The following B3GAT2 variants were observed in gnomAD, a reference collection of about 807,000 sequenced individuals.
B3GAT2 encodes galactosylgalactosylxylosylprotein 3-beta-glucuronosyltransferase 2.
A neutral mutation model predicts 27.8 loss-of-function variants in B3GAT2; 26 were observed. The observed-to-expected ratio is 0.93, with a 90% CI of 0.68 to 1.30. The LOEUF (loss-of-function observed/expected upper bound fraction) is 1.30, where lower values mean the gene tolerates loss of function less well. B3GAT2 is among the 50% of genes most tolerant of loss of function. B3GAT2 has a pLI of 0.00. For synonymous variants in B3GAT2, 218 were observed against 195.1 expected (o/e 1.12, Z -0.98); for missense variants, 458 against 459.0 (o/e 1.00, Z 0.02).
rs1771530563 is a variant in B3GAT2 at position 70,858,304 on chromosome 6, T to G, written c.*3359A>C. 9 of 1,323,834 alleles carry G rather than the reference T, an allele frequency of 6.8e-6. No individual in the cohort carries two copies. Among genetic ancestry groups the G allele is most frequent in the Non-Finnish European group, 9.0e-6 (9 of 1,002,844 alleles). The allele number at this position is 1,323,834 out of a possible 1,614,324, so 82.0% of individuals were successfully genotyped here. On this transcript the variant is annotated 3_prime_UTR_variant, in exon 4 of 4. Transcript: ENST00000230053. ...TTCTAAATCTTTTTTTTTTTTTTTT[T>G]TTTTTTTTTTTAAGTCTAGTGATCT...
intron 1 of B3GAT2, among the ~76,000 whole-genome samples, chr6:70,914,537 AT>A (rs553228424): frequency 6.6e-6 from 1 of 151,572 alleles, no homozygotes; most frequent in Non-Finnish European, 1.5e-5. Flanking sequence ...TATTATTATT[AT>A]TTTTTTTAAC....
rs1765342924 is a variant in B3GAT2, at chr6:70,939,013, T to A, written c.591+16826A>T. On this transcript the variant is annotated intron_variant, in intron 1 of 3. Transcript: ENST00000230053. ...GCAACCTACTCATCTGACAAAGGGC[T>A]AATATCCAGAATCTACAATGAACTC... Among the ~76,000 whole-genome samples, 4 of 152,108 alleles carry A rather than the reference T, an allele frequency of 2.6e-5. No individual in the cohort carries two copies. In the South Asian group the frequency reaches 8.3e-4, roughly 32 times the overall value.
At chr6:70,940,047 A>T (rs2150049078) in intron 1 of B3GAT2, among the ~76,000 whole-genome samples, 1 of 152,192 alleles carries the variant, frequency 6.6e-6, no homozygotes, top group African/African-American at 2.4e-5. Context: ...TTCTTGCCAG[A>T]AACTGAAATG....
chr6:70,904,615 A>G (rs895044166), intron 1 of B3GAT2, among the ~76,000 whole-genome samples: 5 of 152,170 alleles, frequency 3.3e-5, no homozygotes, highest in Non-Finnish European at 5.9e-5. Context: ...CTCAAAGCTA[A>G]ACAAGGACAA....
chr6:70,858,321 T>A lies in B3GAT2; in HGVS notation c.*3342A>T. ...TTTTTTTTTTTTTTTTTTTTAAGTC[T>A]AGTGATCTGGCAGAAAGAATTCAAT... On this transcript the variant is annotated 3_prime_UTR_variant, in exon 4 of 4. Transcript: ENST00000230053. 1 of 1,130,462 alleles carries A rather than the reference T, an allele frequency of 8.8e-7. No homozygotes were observed. The highest frequency in any genetic ancestry group is 1.2e-6 in the Non-Finnish European group (1 of 837,812). The allele number at this position is 1,130,462 out of a possible 1,614,324, so 70.0% of individuals were successfully genotyped here. A position where few individuals can be genotyped will look rare whatever the true frequency, so the allele number is the denominator to read the frequency against.
rs1421253348 is a variant in B3GAT2, at chr6:70,859,075, T to C, written c.*2588A>G. ...GCAATCTTGGTTTCTGTTTGGTCACTTGTTTTACCTTTAGAGCATTCAGGG... is the reference window on the plus strand; with the variant it reads ...GCAATCTTGGTTTCTGTTTGGTCACCTGTTTTACCTTTAGAGCATTCAGGG... On this transcript the variant is annotated 3_prime_UTR_variant, in exon 4 of 4. Coordinates refer to ENST00000230053, the MANE Select transcript of B3GAT2 (RefSeq NM_080742.3). 1 of 280,430 alleles carries C rather than the reference T, an allele frequency of 3.6e-6. No individual in the cohort carries two copies. The highest frequency in any genetic ancestry group is 6.7e-6 in the Non-Finnish European group (1 of 150,166). 17.4% of individuals were successfully genotyped at this position (280,430 alleles called of 1,614,324 possible). A position where few individuals can be genotyped will look rare whatever the true frequency, so the allele number is the denominator to read the frequency against.
intron 2 of B3GAT2, among the ~76,000 whole-genome samples, chr6:70,884,912 A>AT (rs1383367425): frequency 6.6e-6 from 1 of 152,212 alleles, no homozygotes; most frequent in Non-Finnish European, 1.5e-5. Flanking sequence ...CCCAGGAAGA[A>AT]TGCCTGCAAG....
intron 2 of B3GAT2, among the ~76,000 whole-genome samples, chr6:70,883,408 T>A (rs1056442423): frequency 6.6e-6 from 1 of 151,136 alleles, no homozygotes; most frequent in Admixed American, 6.6e-5. Flanking sequence ...GGAATGAAAT[T>A]CTGATACATA....
intron 1 of B3GAT2, among the ~76,000 whole-genome samples, chr6:70,905,072 A>G (rs946539221): frequency 2.0e-5 from 3 of 152,238 alleles, no homozygotes; most frequent in African/African-American, 7.2e-5. Context: ...CTAAACTGCC[A>G]AATGCAATTT....
At position 70,902,412 on chromosome 6, in the gene B3GAT2, A is replaced by G. The variant is rs116774065; in HGVS notation, c.592-8140T>C. Among the ~76,000 whole-genome samples, 691 of 152,246 alleles carry G rather than the reference A, an allele frequency of 4.5e-3. 7 individuals carry two copies. Among genetic ancestry groups the G allele is most frequent in the African/African-American group, 0.014 (595 of 41,548 alleles). ...AAATGTAAATTGGCATAGCCATTGTAGAGAACAGTATGGAGGCTCTTCAAA... is the reference window on the plus strand; with the variant it reads ...AAATGTAAATTGGCATAGCCATTGTGGAGAACAGTATGGAGGCTCTTCAAA... On this transcript the variant is annotated intron_variant, in intron 1 of 3. Coordinates refer to ENST00000230053, the MANE Select transcript of B3GAT2 (RefSeq NM_080742.3).
intron 1 of B3GAT2, among the ~76,000 whole-genome samples, chr6:70,901,519 C>T (rs564049773): frequency 2.6e-5 from 4 of 152,230 alleles, no homozygotes; most frequent in Non-Finnish European, 5.9e-5. Context: ...CCAATTGAAA[C>T]AGCTCCTAGT....
chr6:70,872,748 G>A (rs1771957917), intron 2 of B3GAT2, among the ~76,000 whole-genome samples: 1 of 151,664 alleles, frequency 6.6e-6, no homozygotes, highest in Admixed American at 6.6e-5. Flanking sequence ...CATGTCTAAT[G>A]TTATTTTATT....
At chr6:70,891,648 T>C (rs1272044317) in intron 2 of B3GAT2, among the ~76,000 whole-genome samples, 1 of 152,156 alleles carries the variant, frequency 6.6e-6, no homozygotes, top group Non-Finnish European at 1.5e-5. Context: ...TTTGGGCTCT[T>C]AATCCGCTTT....
chr6:70,926,867 A>G (rs1263194810), intron 1 of B3GAT2, among the ~76,000 whole-genome samples: 1 of 152,202 alleles, frequency 6.6e-6, no homozygotes, highest in Non-Finnish European at 1.5e-5. Flanking sequence ...CCCAAGACAC[A>G]TAATTGTCAG....
At chr6:70,878,508 T>G (rs576545800) in intron 2 of B3GAT2, among the ~76,000 whole-genome samples, 3 of 152,240 alleles carry the variant, frequency 2.0e-5, no homozygotes, top group Non-Finnish European at 4.4e-5. Context: ...TAGGATACTA[T>G]AGTTTATCTC....
intron 1 of B3GAT2, among the ~76,000 whole-genome samples, chr6:70,903,107 T>G (rs902298123): frequency 3.9e-5 from 6 of 151,986 alleles, no homozygotes; most frequent in Non-Finnish European, 8.8e-5. Flanking sequence ...AATCATCATG[T>G]TATACAATAT....
In B3GAT2 at chr6:70,894,284, G is replaced by A; in HGVS notation, c.592-12C>T. On this transcript the variant is annotated splice_polypyrimidine_tract_variant and intron_variant, in intron 1 of 3. Coordinates refer to ENST00000230053, the MANE Select transcript of B3GAT2 (RefSeq NM_080742.3). ...CGGGTGGTTCGCATCTATAAAAAGG[G>A]AAAAGACATGTGTTTTAAGTTTCCT... The A allele has an allele frequency of 1.3e-6, 2 of 1,565,814 alleles. No individual in the cohort carries two copies. The highest frequency in any genetic ancestry group is 1.2e-5 in the South Asian group (1 of 84,320).
chr6:70,953,867 A>T (rs1297459880), intron 1 of B3GAT2, among the ~76,000 whole-genome samples: 1 of 152,040 alleles, frequency 6.6e-6, no homozygotes, highest in African/African-American at 2.4e-5. Flanking sequence ...TGAAAAACCT[A>T]CTGGAATTTT....
At chr6:70,954,541 A>G (rs1023602161) in intron 1 of B3GAT2, among the ~76,000 whole-genome samples, 1 of 152,230 alleles carries the variant, frequency 6.6e-6, no homozygotes, top group Non-Finnish European at 1.5e-5. Context: ...GGGGTTAAGA[A>G]AGCAACCCAG....
Sources: allele counts gnomAD v4.1 joint callset (sites outside exome capture counted in the v4.1 genomes callset), GRCh38; gene constraint gnomAD v4.1.1; transcripts MANE v1.5; gene names NCBI Gene and HGNC (gene_info 2026-07-23, HGNC 2026-07-21).